The following FAM168A variants were observed in gnomAD, a reference collection of about 807,000 sequenced individuals.
The protein encoded by FAM168A is protein FAM168A.
FAM168A carries 3 observed loss-of-function variants against 28.5 expected under a neutral mutation model. The ratio of observed to expected loss-of-function variants is 0.11; its 90% CI spans 0.05 to 0.27. The LOEUF is 0.27. Among genes scored for constraint, FAM168A ranks in the 10% least tolerant of loss-of-function variants. FAM168A has a pLI of 1.00. For synonymous variants in FAM168A, 122 were observed against 124.2 expected (o/e 0.98, Z 0.12); for missense variants, 222 against 311.5 (o/e 0.71, Z 2.16).
At chr11:73,460,563 G>A (rs1454658596) in intron 2 of FAM168A, among the ~76,000 whole-genome samples, 1 of 148,596 alleles carries the variant, frequency 6.7e-6, no homozygotes, top group Non-Finnish European at 1.5e-5. Context: ...GAGTATAGTG[G>A]CACAATCTCA....
At chr11:73,415,460 C>G (rs1363460966) in intron 4 of FAM168A, among the ~76,000 whole-genome samples, 4 of 152,226 alleles carry the variant, frequency 2.6e-5, no homozygotes, top group Admixed American at 6.5e-5. Flanking sequence ...CCTGGGGGCC[C>G]TCATCCTAGG....
At position 73,544,031 on chromosome 11, in the gene FAM168A, C is replaced by G. The variant is rs146372002; in HGVS notation, c.-19+53892G>C. On this transcript the variant is annotated intron_variant, in intron 1 of 7. Coordinates refer to ENST00000356467, the MANE Select transcript of FAM168A (RefSeq NM_015159.3). Reference sequence around the variant, plus strand: ...CCTGTAGTCCTAGCTAGTTGGGAGGCTGAGGCAGGAGGATCACTTGAGCCC... The same window carrying G: ...CCTGTAGTCCTAGCTAGTTGGGAGGGTGAGGCAGGAGGATCACTTGAGCCC... Among the ~76,000 whole-genome samples, 1,493 of 152,250 alleles carry G rather than the reference C, an allele frequency of 9.8e-3. 29 individuals are homozygous for G. Among genetic ancestry groups the G allele is most frequent in the African/African-American group, 0.034 (1,393 of 41,544 alleles).
At chr11:73,492,396 CAG>C (rs980884190) in intron 1 of FAM168A, among the ~76,000 whole-genome samples, 7 of 152,198 alleles carry the variant, frequency 4.6e-5, no homozygotes, top group African/African-American at 1.7e-4. Flanking sequence ...CCTATAATCT[CAG>C]CACTTTGGGA....
At chr11:73,565,578 G>C (rs902497512) in intron 1 of FAM168A, among the ~76,000 whole-genome samples, 1 of 144,100 alleles carries the variant, frequency 6.9e-6, no homozygotes, top group Non-Finnish European at 1.5e-5. Context: ...AGCTACTATA[G>C]GAATTAAAAC....
rs533168170 is a variant in FAM168A at position 73,537,010 on chromosome 11, C to T, written c.-19+60913G>A. On this transcript the variant is annotated intron_variant, in intron 1 of 7. Coordinates refer to ENST00000356467, the MANE Select transcript of FAM168A (RefSeq NM_015159.3). ...GATTTTTGTATGAGGAAGGAGGTCT[C>T]TCATGCCATAGCATTTCCCCTTCAG... Among the ~76,000 whole-genome samples the T allele has an allele frequency of 6.2e-4, 95 of 152,290 alleles. 2 individuals carry two copies. The South Asian group carries it at 0.019, about 31-fold the overall frequency.
chr11:73,526,637 C>T (rs1466757830), intron 1 of FAM168A, among the ~76,000 whole-genome samples: 1 of 152,046 alleles, frequency 6.6e-6, no homozygotes, highest in East Asian at 1.9e-4. Context: ...AATCTTGCAG[C>T]ATTTATGAGA....
At chr11:73,526,868 C>CAAAAAAAAAAAAAAAAAAAAA (rs61073226) in intron 1 of FAM168A, among the ~76,000 whole-genome samples, 1 of 51,902 alleles carries the variant, frequency 1.9e-5, no homozygotes, top group Non-Finnish European at 3.7e-5. Flanking sequence ...GACTCCATCT[C>CAAAAAAAAAAAAAAAAAAAAA]AAAAAAAAAA....
chr11:73,473,942 T>G (rs1209117630), intron 1 of FAM168A, among the ~76,000 whole-genome samples: 1 of 152,018 alleles, frequency 6.6e-6, no homozygotes, highest in East Asian at 1.9e-4. Context: ...CCCAAGTAGC[T>G]GGGATTACTG....
intron 2 of FAM168A, among the ~76,000 whole-genome samples, chr11:73,457,077 A>G (rs1338920796): frequency 6.6e-6 from 1 of 152,234 alleles, no homozygotes; most frequent in Non-Finnish European, 1.5e-5. Context: ...TGAAATATCT[A>G]GAATAGGCAA....
At chr11:73,568,307 T>A (rs1944045554) in intron 1 of FAM168A, among the ~76,000 whole-genome samples, 1 of 152,202 alleles carries the variant, frequency 6.6e-6, no homozygotes, top group East Asian at 1.9e-4. Context: ...TCCTGTAATA[T>A]GTAAATTACT....
intron 1 of FAM168A, among the ~76,000 whole-genome samples, chr11:73,563,000 G>A (rs546622134): frequency 5.9e-5 from 9 of 152,116 alleles, no homozygotes; most frequent in East Asian, 3.9e-4. Flanking sequence ...TAGTATCCTC[G>A]TGACCAGTAT....
At chr11:73,560,340 G>A (rs1040894382) in intron 1 of FAM168A, among the ~76,000 whole-genome samples, 2 of 151,856 alleles carry the variant, frequency 1.3e-5, no homozygotes, top group Admixed American at 1.3e-4. Context: ...TGGAATTATA[G>A]GCATGAGCAA....
At chr11:73,421,934 A>G (rs982641382) in intron 3 of FAM168A, among the ~76,000 whole-genome samples, 37 of 152,236 alleles carry the variant, frequency 2.4e-4, no homozygotes, top group African/African-American at 8.9e-4. Context: ...ATCATAAGCC[A>G]AAAGTCTGAC....
intron 1 of FAM168A, 114 bp from the exon 2 acceptor site, chr11:73,468,606 G>T: frequency 1.2e-6 from 1 of 850,124 alleles, no homozygotes; most frequent in Non-Finnish European, 1.8e-6. Flanking sequence ...GGGTGTAGTG[G>T]AAAGAAGACT....
At chr11:73,571,875 G>A (rs1214689405) in intron 1 of FAM168A, among the ~76,000 whole-genome samples, 1 of 151,776 alleles carries the variant, frequency 6.6e-6, no homozygotes, top group Admixed American at 6.6e-5. Context: ...TCTGAGATGT[G>A]GGGAGCGCCC....
At chr11:73,467,540 A>C (rs1867754062) in intron 2 of FAM168A, among the ~76,000 whole-genome samples, 1 of 152,168 alleles carries the variant, frequency 6.6e-6, no homozygotes, top group African/African-American at 2.4e-5. Flanking sequence ...TTCCCCTTCC[A>C]GATTTACAAT....
At chr11:73,539,172 A>G (rs1334471986) in intron 1 of FAM168A, among the ~76,000 whole-genome samples, 1 of 152,236 alleles carries the variant, frequency 6.6e-6, no homozygotes, top group Non-Finnish European at 1.5e-5. Context: ...GTTAAATGGT[A>G]CAACATTTAA....
At chr11:73,593,107 A>G (rs928753981) in intron 1 of FAM168A, among the ~76,000 whole-genome samples, 3 of 152,220 alleles carry the variant, frequency 2.0e-5, no homozygotes, top group African/African-American at 4.8e-5. Context: ...GTTTAGGGAT[A>G]TGCACATATT....
At chr11:73,529,793 C>CTTTTTTTTTTTTTTTTTTTTTTTTTTTT (rs1490425842) in intron 1 of FAM168A, among the ~76,000 whole-genome samples, 1 of 116,992 alleles carries the variant, frequency 8.5e-6, no homozygotes, top group African/African-American at 4.8e-5. Flanking sequence ...ACAACTTTTT[C>CTTTTTTTTTTTTTTTTTTTTTTTTTTTT]TTCTTTTTTT....
Sources: gnomAD v4.1 joint callset for allele counts (sites outside exome capture counted in the v4.1 genomes callset) on GRCh38, gnomAD v4.1.1 for gene constraint, MANE v1.5 for transcripts, NCBI Gene and HGNC (gene_info 2026-07-23, HGNC 2026-07-21) for gene names.